Variants in MACROD2 observed in about 807,000 individuals in gnomAD.
The protein encoded by MACROD2 is mono-ADP ribosylhydrolase 2, also known as ADP-ribose glycohydrolase MACROD2.
Under a neutral mutation model 70.4 loss-of-function variants are expected in MACROD2, and 36 were observed. That is an observed-to-expected ratio of 0.51 (90% CI 0.39 to 0.68). MACROD2 has a LOEUF of 0.68. Among genes scored for constraint, MACROD2 ranks in the 30% least tolerant of loss-of-function variants. MACROD2 has a pLI of 0.00. For synonymous variants in MACROD2, 172 were observed against 178.8 expected (o/e 0.96, Z 0.30); for missense variants, 496 against 538.4 (o/e 0.92, Z 0.78).
intron 15 of MACROD2, among the ~76,000 whole-genome samples, chr20:16,002,270 G>A (rs1161162938): frequency 6.6e-6 from 1 of 152,124 alleles, no homozygotes; most frequent in African/African-American, 2.4e-5. Flanking sequence ...AAGGGTTACT[G>A]TTTTTAATTG....
At chr20:14,346,121 AAAAGT>A (rs2083061976) in intron 3 of MACROD2, among the ~76,000 whole-genome samples, 1 of 149,676 alleles carries the variant, frequency 6.7e-6, no homozygotes, top group African/African-American at 2.5e-5. Flanking sequence ...AAAAAAAAAA[AAAAGT>A]AAGAGAGCAA....
At chr20:15,162,018 G>A (rs394543) in intron 5 of MACROD2, among the ~76,000 whole-genome samples, 52,699 of 151,282 alleles carry the variant, frequency 0.35, 10,002 homozygotes, top group East Asian at 0.55. Flanking sequence ...GCTTAATGGG[G>A]TTAATTAAAA....
chr20:14,645,733 T>C (rs1467530114), intron 4 of MACROD2, among the ~76,000 whole-genome samples: 1 of 151,972 alleles, frequency 6.6e-6, no homozygotes, highest in Non-Finnish European at 1.5e-5. Context: ...TTGGTTGCAT[T>C]TGAAGGATTC....
rs150604494 is a variant in MACROD2, at chr20:14,211,301, A to G, written c.271+125573A>G. Among the ~76,000 whole-genome samples, 27 of 152,292 alleles carry G rather than the reference A, an allele frequency of 1.8e-4. No individual in the cohort carries two copies. The East Asian group carries it at 4.6e-3, about 26-fold the overall frequency. Reference sequence around the variant, plus strand: ...TGTAAGCCTTTGTCATCTTTAAAATAGAGATAATAACTATATTCAAAGCCT... The same window carrying G: ...TGTAAGCCTTTGTCATCTTTAAAATGGAGATAATAACTATATTCAAAGCCT... On this transcript the variant is annotated intron_variant, in intron 3 of 17. Transcript: ENST00000684519.
At chr20:14,161,739 C>T (rs1224319513) in intron 3 of MACROD2, among the ~76,000 whole-genome samples, 1 of 151,930 alleles carries the variant, frequency 6.6e-6, no homozygotes, top group Non-Finnish European at 1.5e-5. Flanking sequence ...ACCACACCAC[C>T]ACACCCGTTA....
At chr20:14,732,264 G>A (rs1729636866) in intron 5 of MACROD2, among the ~76,000 whole-genome samples, 1 of 152,146 alleles carries the variant, frequency 6.6e-6, no homozygotes, top group South Asian at 2.1e-4. Context: ...TAAAGCATGT[G>A]TGTATTTGGG....
chr20:14,598,055 G>A (rs1034211627), intron 4 of MACROD2, among the ~76,000 whole-genome samples: 5 of 151,954 alleles, frequency 3.3e-5, no homozygotes, highest in African/African-American at 1.2e-4. Context: ...GAAAGGACTG[G>A]GTTTGGAAGT....
chr20:14,967,300 C>T (rs1451581720), intron 5 of MACROD2, among the ~76,000 whole-genome samples: 1 of 151,300 alleles, frequency 6.6e-6, no homozygotes, highest in East Asian at 1.9e-4. Context: ...TCAAGCAATT[C>T]ACCTGCCTCA....
At chr20:14,638,636 T>C (rs1435841267) in intron 4 of MACROD2, among the ~76,000 whole-genome samples, 1 of 152,152 alleles carries the variant, frequency 6.6e-6, no homozygotes, top group African/African-American at 2.4e-5. Context: ...TCATATTTAC[T>C]CCATGAGGTT....
chr20:15,298,905 A>G (rs1051761790), intron 6 of MACROD2, among the ~76,000 whole-genome samples: 1 of 152,152 alleles, frequency 6.6e-6, no homozygotes, highest in African/African-American at 2.4e-5. Flanking sequence ...AGAGGCCCAG[A>G]AGACTAGGCA....
chr20:15,383,872 T>A (rs945759638), intron 6 of MACROD2, among the ~76,000 whole-genome samples: 6 of 152,236 alleles, frequency 3.9e-5, no homozygotes, highest in South Asian at 4.1e-4. Flanking sequence ...TGTATTTTTT[T>A]AATTAATACT....
chr20:15,055,480 T>C (rs1406948601), intron 5 of MACROD2, among the ~76,000 whole-genome samples: 2 of 152,164 alleles, frequency 1.3e-5, no homozygotes, highest in Non-Finnish European at 2.9e-5. Flanking sequence ...CCTAATGGTT[T>C]ACAAGAAGAC....
intron 8 of MACROD2, among the ~76,000 whole-genome samples, chr20:15,742,455 G>T (rs1028848623): frequency 1.3e-5 from 2 of 152,110 alleles, no homozygotes; most frequent in Non-Finnish European, 2.9e-5. Context: ...TTCCCCTTCA[G>T]TTTTCATTTT....
intron 4 of MACROD2, among the ~76,000 whole-genome samples, chr20:14,625,826 G>T (rs75705775): frequency 0.01 from 1,552 of 151,842 alleles, 17 homozygotes; most frequent in African/African-American, 0.032. Context: ...GGTTTTTTTT[G>T]TTGTTGTTGT....
At chr20:15,538,959 A>G (rs1351566744) in intron 8 of MACROD2, among the ~76,000 whole-genome samples, 1 of 152,118 alleles carries the variant, frequency 6.6e-6, no homozygotes, top group African/African-American at 2.4e-5. Flanking sequence ...CTGTATGGGC[A>G]TACCTAATAA....
At chr20:15,344,358 G>T (rs561900719) in intron 6 of MACROD2, among the ~76,000 whole-genome samples, 151 of 152,234 alleles carry the variant, frequency 9.9e-4, no homozygotes, top group Non-Finnish European at 1.8e-3. Flanking sequence ...AAGGGAGAAG[G>T]CATGGTTCAT....
chr20:14,825,886 A>G (rs918622261), intron 5 of MACROD2, among the ~76,000 whole-genome samples: 1 of 152,136 alleles, frequency 6.6e-6, no homozygotes, highest in East Asian at 1.9e-4. Flanking sequence ...CCTATGCACA[A>G]AAGATCGCCC....
chr20:14,262,500 G>A (rs1227405119), intron 3 of MACROD2, among the ~76,000 whole-genome samples: 1 of 152,124 alleles, frequency 6.6e-6, no homozygotes, highest in Non-Finnish European at 1.5e-5. Context: ...ACTAAAGTTC[G>A]GCAGAGGGCT....
chr20:14,334,470 G>A (rs2082900923), intron 3 of MACROD2, among the ~76,000 whole-genome samples: 1 of 152,146 alleles, frequency 6.6e-6, no homozygotes, highest in Admixed American at 6.5e-5. Flanking sequence ...ATGCAGTTTT[G>A]AGGATTAATA....
Sources: allele counts gnomAD v4.1 joint callset (sites outside exome capture counted in the v4.1 genomes callset), GRCh38; gene constraint gnomAD v4.1.1; transcripts MANE v1.5; gene names NCBI Gene and HGNC (gene_info 2026-07-23, HGNC 2026-07-21).